MICU3: variants seen among roughly 807,000 people sequenced by gnomAD.
The protein encoded by MICU3 is mitochondrial calcium uptake 3.
A neutral mutation model predicts 66.5 loss-of-function variants in MICU3; 62 were observed. The observed-to-expected ratio is 0.93, with a 90% CI of 0.76 to 1.15. The LOEUF (loss-of-function observed/expected upper bound fraction) is 1.15. Among genes scored for constraint, MICU3 ranks in the 50% most tolerant of loss-of-function variants. The pLI is 0.00. For synonymous variants in MICU3, 308 were observed against 240.7 expected (o/e 1.28, Z -2.59); for missense variants, 779 against 664.4 (o/e 1.17, Z -1.90).
chr8:17,118,536 C>G (rs911449713), intron 13 of MICU3, among the ~76,000 whole-genome samples, 171 bp from the exon 14 acceptor site: 1 of 152,058 alleles, frequency 6.6e-6, no homozygotes, highest in Non-Finnish European at 1.5e-5. Context: ...ACTTTGTATC[C>G]TTTGGTCACC....
Position 17,048,395 on chromosome 8 carries a change from A to G in MICU3, c.382-15689A>G, listed in dbSNP as rs988675441. 2.6e-5 allele frequency among the ~76,000 whole-genome samples: 4 copies of G among 152,296 alleles called. No individual in the cohort carries two copies. In the East Asian group the frequency reaches 5.8e-4, roughly 22 times the overall value. ...AAGGAGTAGCAAAATCACATCTTAC[A>G]TGGAGGCAGGAAAGAGAGCATGTGC... On this transcript the variant is annotated intron_variant, in intron 1 of 14. Transcript: ENST00000318063.
rs138306449 is a variant in MICU3 at position 17,112,735 on chromosome 8, T to C, written c.1258-1358T>C. Among the ~76,000 whole-genome samples the C allele has an allele frequency of 9.2e-5, 14 of 152,358 alleles. 1 individual carries two copies. Among genetic ancestry groups the C allele is most frequent in the African/African-American group, 2.9e-4 (12 of 41,584 alleles). The stretch of plus-strand genomic sequence containing the variant: ...TATATTGATATTTTTGTTTTCCCTT[T>C]ATTTAAAAATATTCCATCCTCGTGT... On this transcript the variant is annotated intron_variant, in intron 11 of 14. Transcript: ENST00000318063.
At chr8:17,032,203 G>A (rs193143884) in intron 1 of MICU3, among the ~76,000 whole-genome samples, 1 of 152,272 alleles carries the variant, frequency 6.6e-6, no homozygotes, top group African/African-American at 2.4e-5. Context: ...AGATCACGTG[G>A]CACTGTATTT....
At chr8:17,094,143 C>T (rs1474399840) in intron 8 of MICU3, among the ~76,000 whole-genome samples, 1 of 151,972 alleles carries the variant, frequency 6.6e-6, no homozygotes, top group Non-Finnish European at 1.5e-5. Context: ...CTTTATGTAA[C>T]TGGCATCATG....
Position 17,118,723 on chromosome 8 carries a change from A to G in MICU3, c.1541A>G (p.Gln514Arg), listed in dbSNP as rs1802934075. ...HRGFRGYKTV[Q>R]KYPTFKSCLK... Reference sequence around the variant, plus strand: ...GTTTTACAGGGTTATAAAACAGTCCAGAAGTACCCCACTTTCAAATCCTGC... The same window carrying G: ...GTTTTACAGGGTTATAAAACAGTCCGGAAGTACCCCACTTTCAAATCCTGC... Residue 514 changes from glutamine (Q) to arginine (R), a missense_variant, in exon 14 of 15, where the codon CAG becomes CGG. Physicochemically the swap from Gln to Arg is conservative, Grantham distance 43. Transcript: ENST00000318063. 2 of 1,611,844 alleles carry G rather than the reference A, an allele frequency of 1.2e-6. No individual in the cohort carries two copies. Among genetic ancestry groups the G allele is most frequent in the Non-Finnish European group, 8.5e-7 (1 of 1,178,156 alleles).
At chr8:17,064,900 A>G (rs973680593) in intron 2 of MICU3, among the ~76,000 whole-genome samples, 3 of 152,066 alleles carry the variant, frequency 2.0e-5, no homozygotes, top group African/African-American at 7.2e-5. Context: ...CTGTATCACA[A>G]TTGGCTGGTG....
At position 17,029,424 on chromosome 8, in the gene MICU3, C is replaced by T. The variant is rs148581887; in HGVS notation, c.381+1764C>T. The stretch of plus-strand genomic sequence containing the variant: ...CTGGGAGACAGAGGTTGCAGTGAGC[C>T]GAAATCACACCTCTGCACCCCAGCC... On this transcript the variant is annotated intron_variant, in intron 1 of 14. Coordinates refer to ENST00000318063, the MANE Select transcript of MICU3 (RefSeq NM_181723.3). 0.014 allele frequency among the ~76,000 whole-genome samples: 2,102 copies of T among 151,852 alleles called. 143 individuals carry two copies. In the East Asian group the frequency reaches 0.22, roughly 16 times the overall value.
At chr8:17,065,257 G>A (rs1818506894) in intron 2 of MICU3, among the ~76,000 whole-genome samples, 5 of 151,960 alleles carry the variant, frequency 3.3e-5, no homozygotes, top group Admixed American at 2.6e-4. Context: ...CAGCAATATG[G>A]CAAAAATGAA....
chr8:17,101,444 T>G (rs1346473456), intron 9 of MICU3, among the ~76,000 whole-genome samples: 1 of 151,864 alleles, frequency 6.6e-6, no homozygotes, highest in Non-Finnish European at 1.5e-5. Context: ...TCATTTTCAT[T>G]TCTCTGATGT....
chr8:17,070,276 A>G (rs977706003), intron 3 of MICU3, among the ~76,000 whole-genome samples: 2 of 152,136 alleles, frequency 1.3e-5, no homozygotes, highest in African/African-American at 4.8e-5. Flanking sequence ...TGATATATTC[A>G]TATAGTATAC....
At chr8:17,042,990 A>T (rs1437203654) in intron 1 of MICU3, among the ~76,000 whole-genome samples, 2 of 122,164 alleles carry the variant, frequency 1.6e-5, no homozygotes, top group African/African-American at 6.6e-5. Context: ...CCCAAGCTGG[A>T]CTGCAGTGGC....
At chr8:17,030,945 A>G (rs939028253) in intron 1 of MICU3, among the ~76,000 whole-genome samples, 1 of 152,088 alleles carries the variant, frequency 6.6e-6, no homozygotes, top group Non-Finnish European at 1.5e-5. Flanking sequence ...TTAGTTTCCC[A>G]TTCTTTTCTC....
In MICU3 at chr8:17,122,015, T is replaced by C. The variant is rs1052306565; in HGVS notation, c.*1728T>C. 18 of 151,878 alleles carry C rather than the reference T, an allele frequency of 1.2e-4. No individual in the cohort carries two copies. The highest frequency in any genetic ancestry group is 4.1e-4 in the African/African-American group (17 of 41,444). The allele number at this position is 151,878 out of a possible 1,614,324, so 9.4% of individuals were successfully genotyped here. On this transcript the variant is annotated 3_prime_UTR_variant, in exon 15 of 15. Coordinates refer to ENST00000318063, the MANE Select transcript of MICU3 (RefSeq NM_181723.3). Reference sequence around the variant, plus strand: ...TCCTTTAATCCTTGACTATAAGTTATACTATGTTGCGTACATGGCAAATCC... The same window carrying C: ...TCCTTTAATCCTTGACTATAAGTTACACTATGTTGCGTACATGGCAAATCC...
intron 3 of MICU3, among the ~76,000 whole-genome samples, chr8:17,072,008 C>T (rs569663187): frequency 4.8e-4 from 73 of 152,110 alleles, no homozygotes; most frequent in Middle Eastern, 3.4e-3. Flanking sequence ...CAATTAAAAT[C>T]CCAACCAAAT....
downstream of MICU3, among the ~76,000 whole-genome samples, chr8:17,122,954 T>C (rs1471472827): frequency 6.6e-6 from 1 of 152,054 alleles, no homozygotes; most frequent in Non-Finnish European, 1.5e-5. Context: ...ATCATCTTAC[T>C]AAGGTAACAC....
chr8:17,137,685 A>G, the MICU3 span, among the ~76,000 whole-genome samples: 2 of 150,674 alleles, frequency 1.3e-5, no homozygotes, highest in Non-Finnish European at 3.0e-5. Flanking sequence ...AGACAAGGGA[A>G]AGAGTAATAT....
At chr8:17,028,912 C>G (rs1471706953) in intron 1 of MICU3, among the ~76,000 whole-genome samples, 1 of 151,728 alleles carries the variant, frequency 6.6e-6, no homozygotes, top group African/African-American at 2.4e-5. Flanking sequence ...GTAGGGAATT[C>G]AAGTAGTATT....
Position 17,027,611 on chromosome 8 carries a change from C to T in MICU3, c.332C>T (p.Pro111Leu), listed in dbSNP as rs865800668. Reference protein sequence around the residue: ...KSAATEPEDPPRGRGMLPIPV... With the variant: ...KSAATEPEDPLRGRGMLPIPV... ...GCGGCCACGGAGCCCGAGGACCCGCCCCGCGGCCGGGGGATGCTGCCCATC... is the reference window on the plus strand; with the variant it reads ...GCGGCCACGGAGCCCGAGGACCCGCTCCGCGGCCGGGGGATGCTGCCCATC... Residue 111 changes from proline (P) to leucine (L), a missense_variant, in exon 1 of 15, where the codon CCC (proline) becomes CTC (leucine). Pro to Leu is a moderately conservative substitution (Grantham distance 98, BLOSUM62 -3). Coordinates refer to ENST00000318063, the MANE Select transcript of MICU3 (RefSeq NM_181723.3). The T allele has an allele frequency of 5.3e-5, 69 of 1,310,572 alleles. No homozygotes were observed. The Middle Eastern group carries it at 1.2e-3, about 22-fold the overall frequency. 81.2% of individuals were successfully genotyped at this position (1,310,572 alleles called of 1,614,324 possible).
intron 1 of MICU3, among the ~76,000 whole-genome samples, chr8:17,029,895 C>G (rs1292668054): frequency 6.6e-6 from 1 of 151,992 alleles, no homozygotes; most frequent in Non-Finnish European, 1.5e-5. Flanking sequence ...GTTAAATTTC[C>G]TGACAGATCC....
Sources: allele counts gnomAD v4.1 joint callset (sites outside exome capture counted in the v4.1 genomes callset), GRCh38; gene constraint gnomAD v4.1.1; transcripts MANE v1.5; gene names NCBI Gene and HGNC (gene_info 2026-07-23, HGNC 2026-07-21).